PACRG: variants seen among roughly 807,000 people sequenced by gnomAD.
PACRG encodes the protein parkin coregulated, also known as parkin coregulated gene protein.
In PACRG, 29 loss-of-function variants were observed where a neutral mutation model predicts 29.7. That is an observed-to-expected ratio of 0.98 (90% CI 0.73 to 1.33). PACRG has a LOEUF of 1.33. Ranked by LOEUF, PACRG falls within the 40% of genes most tolerant of loss-of-function variation. The pLI is 0.00. For missense variants in PACRG, 279 were observed against 316.2 expected (o/e 0.88, Z 0.89); for synonymous variants, 116 against 118.7 (o/e 0.98, Z 0.15).
At chr6:163,078,510 G>C (rs1165438877) in intron 3 of PACRG, among the ~76,000 whole-genome samples, 1 of 151,298 alleles carries the variant, frequency 6.6e-6, no homozygotes, top group African/African-American at 2.4e-5. Context: ...AAAAGGGGGG[G>C]AGGGGGGCAA....
At chr6:162,875,109 ACT>A (rs1384932156) in intron 2 of PACRG, among the ~76,000 whole-genome samples, 5 of 152,144 alleles carry the variant, frequency 3.3e-5, no homozygotes, top group Non-Finnish European at 7.4e-5. Flanking sequence ...ACATTTGCAC[ACT>A]CACACATACA....
intron 2 of PACRG, among the ~76,000 whole-genome samples, chr6:162,830,202 A>T (rs1433853987): frequency 6.6e-6 from 1 of 152,126 alleles, no homozygotes; most frequent in East Asian, 1.9e-4. Context: ...TCGGGGATTA[A>T]GATCTTGTGC....
intron 2 of PACRG, among the ~76,000 whole-genome samples, chr6:162,935,256 T>C (rs940242616): frequency 1.3e-5 from 2 of 152,194 alleles, no homozygotes. Context: ...TTTTCAGCTA[T>C]TATTTCGTTA....
chr6:162,879,094 A>G (rs1263562048), intron 2 of PACRG, among the ~76,000 whole-genome samples: 3 of 152,194 alleles, frequency 2.0e-5, no homozygotes, highest in Non-Finnish European at 1.5e-5. Flanking sequence ...TTCTCAGTTT[A>G]TATGATGGTC....
rs571821394 is a variant in PACRG, at chr6:162,784,376, C to T, written c.157-29771C>T. ...TTAATTTCTCGATCTCCCTTGTCTG[C>T]GTGGAAAGGACTGTGAGGACCTAGA... is the stretch of plus-strand genomic sequence containing the variant. On this transcript the variant is annotated intron_variant, in intron 1 of 4. Transcript: ENST00000366888. Among the ~76,000 whole-genome samples the T allele has an allele frequency of 7.9e-5, 12 of 152,178 alleles. No homozygotes were observed. The East Asian group carries it at 1.9e-3, about 25-fold the overall frequency.
At chr6:163,023,074 T>A (rs1806788647) in intron 2 of PACRG, among the ~76,000 whole-genome samples, 1 of 152,246 alleles carries the variant, frequency 6.6e-6, no homozygotes, top group African/African-American at 2.4e-5. Flanking sequence ...GCAATTGTCT[T>A]CTTTTAAATC....
At chr6:163,034,191 C>G (rs1807943750) in intron 2 of PACRG, among the ~76,000 whole-genome samples, 1 of 151,890 alleles carries the variant, frequency 6.6e-6, no homozygotes, top group Non-Finnish European at 1.5e-5. Context: ...AGCTGCTTGT[C>G]AGTAGCAAAG....
intron 2 of PACRG, among the ~76,000 whole-genome samples, chr6:162,903,556 A>G (rs1170968371): frequency 6.6e-6 from 1 of 152,104 alleles, no homozygotes; most frequent in Non-Finnish European, 1.5e-5. Flanking sequence ...TTCCCCTTAT[A>G]AAACCATCAG....
chr6:163,156,447 G>A (rs1778319576), intron 4 of PACRG, among the ~76,000 whole-genome samples: 1 of 151,998 alleles, frequency 6.6e-6, no homozygotes, highest in Admixed American at 6.6e-5. Context: ...TGCGCCACAG[G>A]TCATATCTGA....
At chr6:163,213,025 G>T (rs560348132) in intron 4 of PACRG, among the ~76,000 whole-genome samples, 1 of 152,102 alleles carries the variant, frequency 6.6e-6, no homozygotes, top group Admixed American at 6.5e-5. Flanking sequence ...TGATCCACCC[G>T]CCTTGGCCTC....
At chr6:163,202,387 ATG>A (rs896786716) in intron 4 of PACRG, among the ~76,000 whole-genome samples, 4 of 151,960 alleles carry the variant, frequency 2.6e-5, no homozygotes, top group African/African-American at 7.3e-5. Flanking sequence ...GTTTATGTGC[ATG>A]TGTGTGTGTA....
At chr6:163,173,491 G>A (rs1040952628) in intron 4 of PACRG, among the ~76,000 whole-genome samples, 3 of 152,160 alleles carry the variant, frequency 2.0e-5, no homozygotes, top group Non-Finnish European at 2.9e-5. Context: ...TTTAGAAAAC[G>A]AAGCATGAAT....
At chr6:162,875,946 T>A (rs1469634857) in intron 2 of PACRG, among the ~76,000 whole-genome samples, 1 of 152,244 alleles carries the variant, frequency 6.6e-6, no homozygotes, top group East Asian at 1.9e-4. Context: ...TTCTACATCA[T>A]GCTTGTCTGA....
chr6:163,030,046 A>G (rs775550658), intron 2 of PACRG, among the ~76,000 whole-genome samples: 30 of 152,246 alleles, frequency 2.0e-4, no homozygotes, highest in Non-Finnish European at 3.7e-4. Flanking sequence ...AGTAACATCA[A>G]TGAAATAAAC....
At chr6:162,830,855 A>G (rs1193865715) in intron 2 of PACRG, among the ~76,000 whole-genome samples, 1 of 152,060 alleles carries the variant, frequency 6.6e-6, no homozygotes, top group Admixed American at 6.6e-5. Context: ...TGCTGCTGGA[A>G]CCTTCTTACT....
At chr6:162,960,974 CAT>C (rs1800566847) in intron 2 of PACRG, among the ~76,000 whole-genome samples, 1 of 101,368 alleles carries the variant, frequency 9.9e-6, no homozygotes, top group Admixed American at 9.8e-5. Flanking sequence ...TGGTTTAGGT[CAT>C]GTGCCCATGC....
intron 4 of PACRG, among the ~76,000 whole-genome samples, chr6:163,200,472 C>T (rs547163291): frequency 5.5e-4 from 83 of 152,190 alleles, no homozygotes; most frequent in Admixed American, 2.2e-3. Context: ...GGAGTCTAAA[C>T]GCCAAGGGTA....
At chr6:163,105,640 G>A (rs1004831270) in intron 4 of PACRG, among the ~76,000 whole-genome samples, 7 of 152,092 alleles carry the variant, frequency 4.6e-5, no homozygotes, top group Admixed American at 2.0e-4. Flanking sequence ...GAAAAAAATG[G>A]TACATTCTTT....
intron 2 of PACRG, among the ~76,000 whole-genome samples, chr6:162,892,989 G>T (rs1422485493): frequency 9.5e-6 from 1 of 104,864 alleles, no homozygotes; most frequent in African/African-American, 2.7e-5. Flanking sequence ...ACACCCCGGA[G>T]AAGAACCACC....
Sources: gnomAD v4.1 joint callset for allele counts (sites outside exome capture counted in the v4.1 genomes callset) on GRCh38, gnomAD v4.1.1 for gene constraint, MANE v1.5 for transcripts, NCBI Gene and HGNC (gene_info 2026-07-23, HGNC 2026-07-21) for gene names.